The following RYR3 variants were observed in gnomAD, a reference collection of about 807,000 sequenced individuals.
RYR3 encodes brain ryanodine receptor-calcium release channel.
RYR3 carries 207 observed loss-of-function variants against 584.3 expected under a neutral mutation model. That is an observed-to-expected ratio of 0.35 (90% CI 0.32 to 0.40). RYR3 has a LOEUF of 0.40. Among genes scored for constraint, RYR3 ranks in the 10% least tolerant of loss-of-function variants. The probability of loss-of-function intolerance (pLI) is 1.00; values close to 1 mark genes in which losing one functional copy is unlikely to be tolerated. For missense variants in RYR3, 5,616 were observed against 6,089.2 expected (o/e 0.92, Z 2.59); for synonymous variants, 2,416 against 2,248.5 (o/e 1.07, Z -2.11).
chr15:33,540,757 T>A, intron 6 of RYR3, 34 bp from the exon 7 acceptor site: 1 of 1,378,832 alleles, frequency 7.3e-7, no homozygotes, highest in Non-Finnish European at 1.0e-6. Flanking sequence ...GGACTGGTGA[T>A]TTAAAAGATG....
At chr15:33,692,990 C>A (rs936373336) in intron 38 of RYR3, among the ~76,000 whole-genome samples, 11 of 152,170 alleles carry the variant, frequency 7.2e-5, no homozygotes, top group Non-Finnish European at 1.5e-4. Context: ...AGCAATTCCA[C>A]CAGATCTGAT....
chr15:33,774,013 G>A (rs530368695), intron 64 of RYR3, among the ~76,000 whole-genome samples: 5 of 152,348 alleles, frequency 3.3e-5, no homozygotes, highest in Middle Eastern at 6.8e-3. Flanking sequence ...TGTTTAATGA[G>A]TTTCTGTGTG....
chr15:33,485,996 T>A (rs2050385231), intron 2 of RYR3, among the ~76,000 whole-genome samples: 1 of 151,992 alleles, frequency 6.6e-6, no homozygotes, highest in Non-Finnish European at 1.5e-5. Context: ...GAGTACATGG[T>A]TAGACAGTGG....
At position 33,584,287 on chromosome 15, in the gene RYR3, C is replaced by G. The variant is rs2058734333; in HGVS notation, c.1574-108C>G. 6 of 607,726 alleles carry G rather than the reference C, an allele frequency of 9.9e-6. No individual in the cohort carries two copies. The South Asian group carries it at 1.1e-4, about 11-fold the overall frequency. The allele number at this position is 607,726 out of a possible 1,614,324, so 37.6% of individuals were successfully genotyped here. On this transcript the variant is annotated intron_variant, in intron 14 of 103. Transcript: ENST00000634891. ...GGCTAGATAGGGTGAGATTGGCATT[C>G]AGTTCCTTTTAGTTGCTAAGCAAGT...
intron 1 of RYR3, among the ~76,000 whole-genome samples, chr15:33,346,497 A>G (rs1972478464): frequency 6.6e-6 from 1 of 152,228 alleles, no homozygotes; most frequent in Non-Finnish European, 1.5e-5. Context: ...TTGGAAGGAG[A>G]GCACAGTGGT....
chr15:33,505,385 A>AT (rs2052378164), intron 3 of RYR3, among the ~76,000 whole-genome samples: 1 of 152,144 alleles, frequency 6.6e-6, no homozygotes, highest in Non-Finnish European at 1.5e-5. Context: ...CAAAGGTGAG[A>AT]TTTTTGTTCA....
At chr15:33,534,816 G>A (rs1462288584) in intron 5 of RYR3, among the ~76,000 whole-genome samples, 1 of 152,144 alleles carries the variant, frequency 6.6e-6, no homozygotes, top group African/African-American at 2.4e-5. Flanking sequence ...TGGGATATCG[G>A]GTGCTCCCTG....
rs764292687 is a variant in RYR3 at position 33,837,758 on chromosome 15, C to T, written c.11778C>T (p.Asp3926=). ...AACTTAAAGACTTAACCAGCTCAGA[C>T]ACCTTCAAAGAATATGACCCAGATG... ...FLKLKDLTSS[D]TFKEYDPDGK... The change falls in exon 89 of 104, where the codon GAC becomes GAT. Residue 3926 remains aspartate (D), a synonymous_variant. Coordinates refer to ENST00000634891, the MANE Select transcript of RYR3 (RefSeq NM_001036.6). 2 of 1,613,896 alleles carry T rather than the reference C, an allele frequency of 1.2e-6. No homozygotes were observed. The highest frequency in any genetic ancestry group is 2.2e-5 in the South Asian group (2 of 91,056).
chr15:33,364,036 G>C lies in RYR3; in HGVS notation c.51+52940G>C, dbSNP rs996046611. Among the ~76,000 whole-genome samples the C allele has an allele frequency of 4.6e-5, 7 of 152,192 alleles. No individual in the cohort carries two copies. The South Asian group carries it at 1.5e-3, about 32-fold the overall frequency. ...AATGAAAATTTAGCTTCTGAATTGA[G>C]GTGTGCAGTGAGTGTGAAAGATAGT... On this transcript the variant is annotated intron_variant, in intron 1 of 103. Coordinates refer to ENST00000634891, the MANE Select transcript of RYR3 (RefSeq NM_001036.6).
intron 28 of RYR3, 119 bp from the exon 29 acceptor site, chr15:33,646,232 A>C: frequency 1.2e-6 from 1 of 818,314 alleles, no homozygotes; most frequent in Non-Finnish European, 1.9e-6. Flanking sequence ...ATCACTGGAC[A>C]CAACTTACTT....
intron 1 of RYR3, among the ~76,000 whole-genome samples, chr15:33,342,667 C>T (rs1248326552): frequency 6.6e-6 from 1 of 152,084 alleles, no homozygotes; most frequent in Non-Finnish European, 1.5e-5. Flanking sequence ...CAAAATCCTT[C>T]CCCCCTTCTC....
At chr15:33,488,696 C>CA (rs995454035) in intron 2 of RYR3, among the ~76,000 whole-genome samples, 22 of 152,094 alleles carry the variant, frequency 1.4e-4, no homozygotes, top group African/African-American at 3.4e-4. Context: ...ACTAAAAATA[C>CA]AAAAAATTAG....
chr15:33,574,423 T>G (rs367813267), intron 12 of RYR3, among the ~76,000 whole-genome samples: 5 of 152,336 alleles, frequency 3.3e-5, no homozygotes, highest in Admixed American at 3.3e-4. Context: ...CTTCATCTCA[T>G]GTACTCATGG....
rs535515872 is a variant in RYR3 at position 33,638,511 on chromosome 15, A to G, written c.3556+1961A>G. On this transcript the variant is annotated intron_variant, in intron 27 of 103. Coordinates refer to ENST00000634891, the MANE Select transcript of RYR3 (RefSeq NM_001036.6). ...GATGAGAATCTCATATGTTGTGCAG[A>G]GTTACAAGAACTTTGTAAAGTCCAA... Among the ~76,000 whole-genome samples, 18 of 152,352 alleles carry G rather than the reference A, an allele frequency of 1.2e-4. No homozygotes were observed. In the East Asian group the frequency reaches 3.1e-3, roughly 26 times the overall value.
At chr15:33,628,398 G>T in intron 20 of RYR3, 73 bp from the exon 21 acceptor site, 2 of 1,047,076 alleles carry the variant, frequency 1.9e-6, no homozygotes, top group Non-Finnish European at 2.9e-6. Context: ...TTCAAGTGGG[G>T]TGCCCAGCTC....
intron 12 of RYR3, among the ~76,000 whole-genome samples, chr15:33,568,868 G>A (rs1475088271): frequency 6.6e-6 from 1 of 152,104 alleles, no homozygotes; most frequent in Non-Finnish European, 1.5e-5. Context: ...ACAGCCCTAG[G>A]CAACCACTAA....
At chr15:33,439,900 C>G (rs1026101771) in intron 1 of RYR3, among the ~76,000 whole-genome samples, 1 of 151,960 alleles carries the variant, frequency 6.6e-6, no homozygotes, top group Admixed American at 6.5e-5. Context: ...GAAAAAAGTG[C>G]CTTTTTATGT....
At chr15:33,722,470 T>C in intron 43 of RYR3, 1 of 526,066 alleles carries the variant, frequency 1.9e-6, no homozygotes, top group Middle Eastern at 4.9e-4. Context: ...CAGTGTCAAC[T>C]CCTAATCTCA....
intron 1 of RYR3, among the ~76,000 whole-genome samples, chr15:33,372,660 C>A (rs536968000): frequency 1.3e-5 from 2 of 152,084 alleles, no homozygotes; most frequent in African/African-American, 2.4e-5. Context: ...CCACCACGCC[C>A]GGCCCCAGCT....
Sources: allele counts gnomAD v4.1 joint callset (sites outside exome capture counted in the v4.1 genomes callset), GRCh38; gene constraint gnomAD v4.1.1; transcripts MANE v1.5; gene names NCBI Gene and HGNC (gene_info 2026-07-23, HGNC 2026-07-21).